DIAPH3: variants seen among roughly 807,000 people sequenced by gnomAD.
DIAPH3 encodes the protein protein diaphanous homolog 3.
DIAPH3 carries 117 observed loss-of-function variants against 144.3 expected under a neutral mutation model. That is an observed-to-expected ratio of 0.81 (90% CI 0.70 to 0.95). The LOEUF is 0.95. Among genes scored for constraint, DIAPH3 ranks in the 40% least tolerant of loss-of-function variants. DIAPH3 has a pLI of 0.00. For synonymous variants in DIAPH3, 519 were observed against 488.9 expected (o/e 1.06, Z -0.81); for missense variants, 1,421 against 1,412.7 (o/e 1.01, Z -0.09).
At chr13:59,871,732 C>A (rs2044292888) in intron 21 of DIAPH3, among the ~76,000 whole-genome samples, 1 of 152,088 alleles carries the variant, frequency 6.6e-6, no homozygotes, top group Non-Finnish European at 1.5e-5. Context: ...ACCATCTGAG[C>A]CTTGTTCTTT....
rs1156923369 is a variant in DIAPH3, at chr13:59,774,243, G to A, written c.3265C>T (p.Arg1089Trp). ...RKRTPMPKDV[R>W]QSLSPMSQRP... ...TGAGACATTGGACTGAGACTCTGCCGAACATCTGTTAAAAAAAAAAATAAA... is the reference window on the plus strand; with the variant it reads ...TGAGACATTGGACTGAGACTCTGCCAAACATCTGTTAAAAAAAAAAATAAA... Residue 1089 changes from arginine to tryptophan, a missense_variant, in exon 27 of 28, where the codon CGG (arginine) becomes TGG (tryptophan). Arg to Trp is a moderately radical substitution (Grantham distance 101, BLOSUM62 -3). Coordinates refer to ENST00000400324, the MANE Select transcript of DIAPH3 (RefSeq NM_001042517.2). The A allele has an allele frequency of 1.2e-5, 20 of 1,611,056 alleles. No individual in the cohort carries two copies. The highest frequency in any genetic ancestry group is 1.7e-5 in the Admixed American group (1 of 59,848).
chr13:60,038,907 C>A (rs1444102673), intron 5 of DIAPH3, among the ~76,000 whole-genome samples: 2 of 151,798 alleles, frequency 1.3e-5, no homozygotes, highest in Non-Finnish European at 2.9e-5. Flanking sequence ...TGCTGTCTAC[C>A]TTTTTATGTT....
intron 4 of DIAPH3, among the ~76,000 whole-genome samples, chr13:60,078,129 A>G (rs1235417590): frequency 1.3e-5 from 2 of 152,112 alleles, no homozygotes; most frequent in Non-Finnish European, 1.5e-5. Flanking sequence ...CACAAAAGTA[A>G]TACTCTTTTA....
chr13:60,032,272 A>T (rs1487511745), intron 5 of DIAPH3, among the ~76,000 whole-genome samples: 1 of 152,106 alleles, frequency 6.6e-6, no homozygotes, highest in Non-Finnish European at 1.5e-5. Flanking sequence ...CCCTCTTCTC[A>T]CAGCTCAACT....
In DIAPH3 at chr13:59,879,385, T is replaced by G; in HGVS notation, c.2451A>C (p.Lys817Asn). The G allele has an allele frequency of 6.2e-7, 1 of 1,613,870 alleles. No individual in the cohort carries two copies. Among genetic ancestry groups the G allele is most frequent in the Non-Finnish European group, 8.5e-7 (1 of 1,179,844 alleles). The change falls in exon 21 of 28, where the codon AAA becomes AAC. Residue 817 changes from lysine to asparagine, a missense_variant. Lys to Asn is a moderately conservative substitution (Grantham distance 94). Transcript: ENST00000400324. ...CAGTACTGACAGCCATGATGTCAGG[T>G]TTGATGTTGTTCACCTGCTCTTCAA... ...LQFEEQVNNI[K>N]PDIMAVSTAC...
intron 4 of DIAPH3, among the ~76,000 whole-genome samples, chr13:60,059,338 G>T (rs1332061702): frequency 6.6e-6 from 1 of 151,866 alleles, no homozygotes; most frequent in Non-Finnish European, 1.5e-5. Flanking sequence ...TTATCAAGTG[G>T]TATCCTTAAG....
chr13:59,841,912 G>A (rs991005023), intron 22 of DIAPH3, among the ~76,000 whole-genome samples: 11 of 151,906 alleles, frequency 7.2e-5, no homozygotes, highest in Admixed American at 7.2e-4. Context: ...TAAGTAAAAA[G>A]GTCAAATTAA....
chr13:60,046,163 C>G (rs2056052909), intron 4 of DIAPH3, among the ~76,000 whole-genome samples: 1 of 152,094 alleles, frequency 6.6e-6, no homozygotes, highest in Non-Finnish European at 1.5e-5. Context: ...GAAATGAGAG[C>G]TAACTGAATC....
chr13:60,004,944 C>A (rs570726644), intron 9 of DIAPH3, among the ~76,000 whole-genome samples: 11 of 152,254 alleles, frequency 7.2e-5, no homozygotes, highest in African/African-American at 2.4e-4. Flanking sequence ...TGTATCATTC[C>A]CGTGACTTCC....
rs184490319 is a variant in DIAPH3, at chr13:59,771,029, T to C, written c.3319+3160A>G. On this transcript the variant is annotated intron_variant, in intron 27 of 27. Transcript: ENST00000400324. ...AGGCTGGATAATTCAGTGCATGAGATGTCTGCTTCTGAAGTCCACTGAAGT... is the reference window on the plus strand; with the variant it reads ...AGGCTGGATAATTCAGTGCATGAGACGTCTGCTTCTGAAGTCCACTGAAGT... Among the ~76,000 whole-genome samples, 29 of 152,272 alleles carry C rather than the reference T, an allele frequency of 1.9e-4. No individual in the cohort carries two copies. In the East Asian group the frequency reaches 5.6e-3, roughly 29 times the overall value.
intron 1 of DIAPH3, among the ~76,000 whole-genome samples, chr13:60,148,951 G>A (rs191609650): frequency 1.7e-3 from 266 of 152,278 alleles, no homozygotes; most frequent in African/African-American, 3.7e-3. Flanking sequence ...GCATCTACCC[G>A]TGTGCTATGC....
intron 27 of DIAPH3, among the ~76,000 whole-genome samples, chr13:59,731,901 A>G (rs1378087021): frequency 6.6e-6 from 1 of 152,120 alleles, no homozygotes; most frequent in Non-Finnish European, 1.5e-5. Context: ...GTCTTTACTG[A>G]TCATCTTTCT....
chr13:59,801,055 C>T (rs891834410), intron 25 of DIAPH3, among the ~76,000 whole-genome samples: 9 of 152,080 alleles, frequency 5.9e-5, no homozygotes, highest in African/African-American at 9.7e-5. Context: ...TTTATTCACA[C>T]GTGAATCCAG....
chr13:59,685,765 T>G (rs1454018896), intron 27 of DIAPH3, among the ~76,000 whole-genome samples: 1 of 152,082 alleles, frequency 6.6e-6, no homozygotes, highest in Non-Finnish European at 1.5e-5. Flanking sequence ...GAAAATAATA[T>G]ACTGGAGCTG....
intron 27 of DIAPH3, among the ~76,000 whole-genome samples, chr13:59,684,321 G>T (rs1240880303): frequency 6.6e-6 from 1 of 152,162 alleles, no homozygotes; most frequent in Non-Finnish European, 1.5e-5. Flanking sequence ...TGGATTTACA[G>T]AGAACCAAAA....
chr13:59,673,854 C>T (rs1173846592), intron 27 of DIAPH3, among the ~76,000 whole-genome samples: 1 of 152,144 alleles, frequency 6.6e-6, no homozygotes, highest in Non-Finnish European at 1.5e-5. Context: ...CTGATGCGTC[C>T]CTAAGGACAA....
At position 59,839,373 on chromosome 13, in the gene DIAPH3, G is replaced by T. The variant is rs1223105391; in HGVS notation, c.2813C>A (p.Thr938Asn). ...ATGCAAGTCCTCAGGAGGGGGAAAG[G>T]TTTCCAATTCCTTCTCAAGCTGTTG... ...QLQQLEKELE[T>N]FPPPEDLHDK... is the part of the protein sequence containing the mutation. Residue 938 changes from threonine (T) to asparagine (N), a missense_variant, in exon 23 of 28, where the codon ACC becomes AAC. Coordinates refer to ENST00000400324, the MANE Select transcript of DIAPH3 (RefSeq NM_001042517.2). 4 of 1,613,702 alleles carry T rather than the reference G, an allele frequency of 2.5e-6. No homozygotes were observed. Among genetic ancestry groups the T allele is most frequent in the Middle Eastern group, 1.7e-4 (1 of 6,054 alleles).
chr13:60,070,562 G>A (rs771582394), intron 4 of DIAPH3, among the ~76,000 whole-genome samples: 44 of 152,166 alleles, frequency 2.9e-4, no homozygotes, highest in Non-Finnish European at 5.1e-4. Context: ...GCCAAGGGAA[G>A]AAGGGAGAAA....
intron 21 of DIAPH3, among the ~76,000 whole-genome samples, chr13:59,873,830 C>T (rs954523629): frequency 4.0e-5 from 6 of 151,832 alleles, no homozygotes; most frequent in Admixed American, 3.9e-4. Context: ...TGCCACTATG[C>T]CCAGATAAGT....
Sources: allele counts gnomAD v4.1 joint callset (sites outside exome capture counted in the v4.1 genomes callset), GRCh38; gene constraint gnomAD v4.1.1; transcripts MANE v1.5; gene names NCBI Gene and HGNC (gene_info 2026-07-23, HGNC 2026-07-21).